The following SLC14A2 variants were observed in gnomAD, a reference collection of about 807,000 sequenced individuals.
SLC14A2 encodes solute carrier family 14 member 2, also known as urea transporter 2.
SLC14A2 carries 91 observed loss-of-function variants against 104.6 expected under a neutral mutation model. The observed-to-expected ratio is 0.87, with a 90% confidence interval of 0.73 to 1.04. The LOEUF (loss-of-function observed/expected upper bound fraction) is 1.04, where lower values mean the gene tolerates loss of function less well. Ranked by LOEUF, SLC14A2 falls within the 50% of genes least tolerant of loss-of-function variation. The pLI is 0.00. For missense variants in SLC14A2, 1,189 were observed against 1,156.0 expected (o/e 1.03, Z -0.41); for synonymous variants, 476 against 466.4 (o/e 1.02, Z -0.27).
At chr18:45,403,786 A>AATGAATGAATGAATGAATG (rs1568185043) in intron 1 of SLC14A2, among the ~76,000 whole-genome samples, 1 of 30,142 alleles carries the variant, frequency 3.3e-5, no homozygotes, top group East Asian at 1.5e-3. Flanking sequence ...ATGAATGAAT[A>AATGAATGAATGAATGAATG]AATGAGTGGA....
intron 1 of SLC14A2, among the ~76,000 whole-genome samples, chr18:45,475,642 G>GAT (rs137928157): frequency 4.3e-4 from 21 of 49,222 alleles, no homozygotes; most frequent in African/African-American, 5.2e-4. Context: ...ATATATTTAG[G>GAT]ATATATATAT....
rs530412829 is a variant in SLC14A2 at position 45,626,206 on chromosome 18, TC to T, written c.331+344del. ...GCCATTTCCCAAGCTAGCTGAATGATCATTCCTTCACTCGATTCACTTGTTG... is the reference window on the plus strand; with the variant it reads ...GCCATTTCCCAAGCTAGCTGAATGATATTCCTTCACTCGATTCACTTGTTG... On this transcript the variant is annotated intron_variant, in intron 3 of 19. Coordinates refer to ENST00000255226, the MANE Select transcript of SLC14A2 (RefSeq NM_007163.4). 1.8e-3 allele frequency among the ~76,000 whole-genome samples: 268 copies of T among 152,336 alleles called. 1 individual carries two copies. The highest frequency in any genetic ancestry group is 3.4e-3 in the Non-Finnish European group (233 of 68,028).
At position 45,319,731 on chromosome 18, in the gene SLC14A2, C is replaced by G. The variant is rs549890393; in HGVS notation, c.-125+106540C>G. On this transcript the variant is annotated intron_variant, in intron 1 of 20. Coordinates refer to the SLC14A2 transcript ENST00000586448. ...CAGGCCCCCTCCCAACATACTTGAT[C>G]TGCAGTTGTCCAGAATCCCAACATC... Among the ~76,000 whole-genome samples the G allele has an allele frequency of 1.1e-4, 17 of 152,346 alleles. No individual in the cohort carries two copies. The East Asian group carries it at 3.3e-3, about 29-fold the overall frequency.
chr18:45,420,745 A>T lies in SLC14A2; in HGVS notation c.-124-62488A>T, dbSNP rs1039454428. Among the ~76,000 whole-genome samples the T allele has an allele frequency of 1.5e-3, 217 of 145,656 alleles. 1 individual carries two copies. Among genetic ancestry groups the T allele is most frequent in the African/African-American group, 1.9e-3 (76 of 39,834 alleles). ...AGGTGGAATTATTTTTATTATTATTATTATTTTTTTTTTTGAGACGGAGTC... is the reference window on the plus strand; with the variant it reads ...AGGTGGAATTATTTTTATTATTATTTTTATTTTTTTTTTTGAGACGGAGTC... On this transcript the variant is annotated intron_variant, in intron 1 of 20. Transcript: ENST00000586448.
intron 1 of SLC14A2, among the ~76,000 whole-genome samples, chr18:45,335,121 C>T (rs2085326407): frequency 2.0e-5 from 3 of 151,958 alleles, no homozygotes; most frequent in South Asian, 4.2e-4. Flanking sequence ...TCTATCTTCC[C>T]CCCAAATTAT....
chr18:45,360,729 G>A (rs7235857), intron 1 of SLC14A2, among the ~76,000 whole-genome samples: 51,665 of 151,826 alleles, frequency 0.34, 9,121 homozygotes, highest in African/African-American at 0.42. Context: ...TAAAATAGGC[G>A]CTCATGATCC....
At chr18:45,524,397 G>T (rs752141431) in intron 2 of SLC14A2, among the ~76,000 whole-genome samples, 1 of 152,180 alleles carries the variant, frequency 6.6e-6, no homozygotes, top group Non-Finnish European at 1.5e-5. Flanking sequence ...ACCCAGTAGG[G>T]TGTGAATAGA....
intron 2 of SLC14A2, among the ~76,000 whole-genome samples, chr18:45,574,906 C>G (rs759447702): frequency 1.3e-5 from 2 of 152,190 alleles, no homozygotes; most frequent in Non-Finnish European, 2.9e-5. Context: ...TTTTCTACAG[C>G]CTCCTATAAA....
chr18:45,628,816 A>G (rs2045301881), intron 4 of SLC14A2, among the ~76,000 whole-genome samples: 1 of 152,232 alleles, frequency 6.6e-6, no homozygotes, highest in Non-Finnish European at 1.5e-5. Context: ...AGAAAGTGAA[A>G]GCTAAGTCAT....
chr18:45,358,723 T>C (rs2085580076), intron 1 of SLC14A2, among the ~76,000 whole-genome samples: 1 of 152,154 alleles, frequency 6.6e-6, no homozygotes, highest in South Asian at 2.1e-4. Flanking sequence ...ATTACAGTCA[T>C]ACACTACTGC....
intron 2 of SLC14A2, among the ~76,000 whole-genome samples, chr18:45,548,624 A>C (rs2144274542): frequency 6.6e-6 from 1 of 152,260 alleles, no homozygotes; most frequent in South Asian, 2.1e-4. Context: ...TGATTGCTTG[A>C]ACCCAGGTGT....
intron 1 of SLC14A2, among the ~76,000 whole-genome samples, chr18:45,389,831 A>G (rs917360097): frequency 6.6e-6 from 1 of 152,206 alleles, no homozygotes; most frequent in Non-Finnish European, 1.5e-5. Flanking sequence ...CACTGTAAGG[A>G]GTAAAAACGT....
In SLC14A2 at chr18:45,326,067, C is replaced by T. The variant is rs1458174508; in HGVS notation, c.-125+112876C>T. Among the ~76,000 whole-genome samples, 4 of 152,236 alleles carry T rather than the reference C, an allele frequency of 2.6e-5. No homozygotes were observed. In the South Asian group the frequency reaches 8.3e-4, roughly 32 times the overall value. On this transcript the variant is annotated intron_variant, in intron 1 of 20. Coordinates refer to the SLC14A2 transcript ENST00000586448. ...ATGGCAGAGTTGCATTCACACCCAC[C>T]CAGGCCTCCTGATTTCTAGCTGGAT...
intron 2 of SLC14A2, among the ~76,000 whole-genome samples, chr18:45,511,994 T>C (rs1179440710): frequency 2.0e-5 from 3 of 151,890 alleles, no homozygotes; most frequent in African/African-American, 4.8e-5. Context: ...AAGAGGAAGG[T>C]AGAAAAATGG....
intron 1 of SLC14A2, among the ~76,000 whole-genome samples, chr18:45,340,007 T>C (rs1335297251): frequency 6.6e-6 from 1 of 152,224 alleles, no homozygotes; most frequent in African/African-American, 2.4e-5. Flanking sequence ...ATCCATCAGA[T>C]ATTAGAGCAT....
At chr18:45,191,342 A>T in the SLC14A2 span, among the ~76,000 whole-genome samples, 2 of 152,218 alleles carry the variant, frequency 1.3e-5, no homozygotes, top group Non-Finnish European at 2.9e-5. Flanking sequence ...TGAATTAAGG[A>T]GTCCCAGATA....
chr18:45,540,288 T>C (rs2043866414), intron 2 of SLC14A2, among the ~76,000 whole-genome samples: 1 of 152,046 alleles, frequency 6.6e-6, no homozygotes, highest in South Asian at 2.1e-4. Flanking sequence ...GCTCCTGCTG[T>C]TCTCAGTTAC....
the SLC14A2 span, among the ~76,000 whole-genome samples, chr18:45,192,344 C>T: frequency 6.6e-6 from 1 of 152,092 alleles, no homozygotes; most frequent in Admixed American, 6.5e-5. Context: ...TGGTTGTTAC[C>T]ACTTCTTGGC....
rs1433836918 is a variant in SLC14A2 at position 45,601,597 on chromosome 18, C to T, written c.-34-23034C>T. ...TTCCAATGGGGTTTTTCTTTCCCCT[C>T]TATCTTTTCAGTCCAACTGGCTAGT... On this transcript the variant is annotated intron_variant, in intron 2 of 20. Coordinates refer to the SLC14A2 transcript ENST00000586448. 2.0e-5 allele frequency among the ~76,000 whole-genome samples: 3 copies of T among 152,378 alleles called. No individual in the cohort carries two copies. The East Asian group carries it at 5.8e-4, about 29-fold the overall frequency.
Sources: gnomAD v4.1 joint callset for allele counts (sites outside exome capture counted in the v4.1 genomes callset) on GRCh38, gnomAD v4.1.1 for gene constraint, MANE v1.5 for transcripts, NCBI Gene and HGNC (gene_info 2026-07-23, HGNC 2026-07-21) for gene names.